PRRC2C: variants seen among roughly 807,000 people sequenced by gnomAD.
The protein encoded by PRRC2C is proline rich coiled-coil 2C.
A neutral mutation model predicts 317.2 loss-of-function variants in PRRC2C; 72 were observed. The ratio of observed to expected loss-of-function variants is 0.23; its 90% confidence interval spans 0.19 to 0.28. The LOEUF (loss-of-function observed/expected upper bound fraction) is 0.28. PRRC2C is among the 10% of genes least tolerant of loss of function. PRRC2C has a pLI of 1.00. For missense variants in PRRC2C, 3,074 were observed against 3,459.7 expected (o/e 0.89, Z 2.80); for synonymous variants, 1,296 against 1,205.9 (o/e 1.07, Z -1.55).
At position 171,523,717 on chromosome 1, in the gene PRRC2C, T is replaced by C. The variant is rs546526850; in HGVS notation, c.1055+195T>C. Among the ~76,000 whole-genome samples the C allele has an allele frequency of 1.2e-4, 19 of 152,266 alleles. 1 individual carries two copies. Among genetic ancestry groups the C allele is most frequent in the African/African-American group, 4.6e-4 (19 of 41,556 alleles). On this transcript the variant is annotated intron_variant, in intron 9 of 34. Coordinates refer to ENST00000647382, the MANE Select transcript of PRRC2C (RefSeq NM_001387844.1). ...TACAGCTAATCAAGGAATTAAAATT[T>C]GATGCGTCTCAAGAAAGTTTATTTA... is the stretch of plus-strand genomic sequence containing the variant.
Position 171,537,336 on chromosome 1 carries a change from G to C in PRRC2C, c.2367G>C (p.Glu789Asp). ...CACCGAACAGTTCTGAGTCATTTGA[G>C]CATATAGCTCGATCTGCAAGAGATC... ...EGSPNSSESF[E>D]HIARSARDHA... The change falls in exon 15 of 35, where the codon GAG (glutamate) becomes GAC (aspartate). Residue 789 changes from glutamate to aspartate, a missense_variant. Physicochemically the swap from Glu to Asp is conservative, Grantham distance 45 (BLOSUM62 2). This residue lies in a region of PRRC2C where 1,320 missense variants were observed against 1,395.7 expected (regional missense o/e 0.95). Transcript: ENST00000647382. 1.3e-6 allele frequency: 2 copies of C among 1,598,354 alleles called. No homozygotes were observed. The highest frequency in any genetic ancestry group is 1.7e-6 in the Non-Finnish European group (2 of 1,171,798).
rs867823094 is a variant in PRRC2C, at chr1:171,573,717, C to T, written c.6754-1210C>T. Among the ~76,000 whole-genome samples, 29 of 111,066 alleles carry T rather than the reference C, an allele frequency of 2.6e-4. No homozygotes were observed. The Middle Eastern group carries it at 0.037, about 140-fold the overall frequency. The allele number at this position is 111,066 out of a possible 152,430, so 72.9% of individuals were successfully genotyped here. On this transcript the variant is annotated intron_variant, in intron 24 of 34. Coordinates refer to ENST00000647382, the MANE Select transcript of PRRC2C (RefSeq NM_001387844.1). The stretch of plus-strand genomic sequence containing the variant: ...TTTTTGAGTTGGAGCCTCGTTCTGT[C>T]GCCCAGGCTGGAGTGCAGTGGCGCT...
At chr1:171,552,830 A>G (rs1442503455) in intron 18 of PRRC2C, among the ~76,000 whole-genome samples, 1 of 152,162 alleles carries the variant, frequency 6.6e-6, no homozygotes, top group Non-Finnish European at 1.5e-5. Context: ...ATCTTGGTGG[A>G]TAAGCTTTCT....
At chr1:171,559,236 A>G (rs1453999897) in intron 19 of PRRC2C, among the ~76,000 whole-genome samples, 1 of 152,220 alleles carries the variant, frequency 6.6e-6, no homozygotes, top group Non-Finnish European at 1.5e-5. Flanking sequence ...TAAATTTTTA[A>G]CGTAGATGAA....
Position 171,540,895 on chromosome 1 carries a change from C to G in PRRC2C, c.3429C>G (p.Val1143=), listed in dbSNP as rs1388380462. 1.2e-6 allele frequency: 2 copies of G among 1,613,690 alleles called. No homozygotes were observed. Among genetic ancestry groups the G allele is most frequent in the Non-Finnish European group, 1.7e-6 (2 of 1,179,798 alleles). The change falls in exon 16 of 35, where the codon GTC becomes GTG. Residue 1143 remains valine (V), a synonymous_variant. Coordinates refer to ENST00000647382, the MANE Select transcript of PRRC2C (RefSeq NM_001387844.1). ...VVKEEKQPEK[V]ISKDLVIERP... is the part of the protein sequence containing the mutation. ...AAGAAGAAAAACAACCTGAGAAAGT[C>G]ATCAGCAAAGACCTTGTTATAGAGA...
At chr1:171,502,299 A>G (rs1311310491) in intron 1 of PRRC2C, among the ~76,000 whole-genome samples, 2 of 152,214 alleles carry the variant, frequency 1.3e-5, no homozygotes, top group African/African-American at 4.8e-5. Context: ...TTTTCAAAAA[A>G]TACTATTGCC....
intron 1 of PRRC2C, among the ~76,000 whole-genome samples, chr1:171,490,490 G>A (rs7555096): frequency 1.3e-5 from 2 of 152,216 alleles, no homozygotes; most frequent in African/African-American, 2.4e-5. Flanking sequence ...ATATGAATTA[G>A]TCTTAACTAC....
intron 26 of PRRC2C, among the ~76,000 whole-genome samples, chr1:171,579,073 T>C (rs1647907609): frequency 6.6e-6 from 1 of 152,146 alleles, no homozygotes; most frequent in Admixed American, 6.5e-5. Context: ...TATGTGAAAT[T>C]TTACCACTGA....
intron 1 of PRRC2C, among the ~76,000 whole-genome samples, chr1:171,500,193 T>G (rs1350460330): frequency 6.6e-6 from 1 of 152,216 alleles, no homozygotes; most frequent in African/African-American, 2.4e-5. Context: ...CAGTTGAATT[T>G]AGCAAATTGC....
At chr1:171,558,541 AAT>A (rs1255905599) in intron 19 of PRRC2C, among the ~76,000 whole-genome samples, 1 of 152,176 alleles carries the variant, frequency 6.6e-6, no homozygotes, top group Non-Finnish European at 1.5e-5. Context: ...TCATTCTTGC[AAT>A]ATGTCAAATT....
At chr1:171,580,178 C>G (rs1648193154) in intron 28 of PRRC2C, among the ~76,000 whole-genome samples, 1 of 152,170 alleles carries the variant, frequency 6.6e-6, no homozygotes, top group African/African-American at 2.4e-5. Flanking sequence ...GTTTCAAACC[C>G]TCTTGAAGTA....
At chr1:171,499,196 A>G (rs76728596) in intron 1 of PRRC2C, among the ~76,000 whole-genome samples, 1 of 152,210 alleles carries the variant, frequency 6.6e-6, no homozygotes, top group East Asian at 1.9e-4. Context: ...CAGCCTCCTC[A>G]AATTTCTAAA....
chr1:171,523,050 A>G (rs1057351397), intron 7 of PRRC2C, among the ~76,000 whole-genome samples, 171 bp from the exon 8 acceptor site: 1 of 152,146 alleles, frequency 6.6e-6, no homozygotes, highest in African/African-American at 2.4e-5. Context: ...GTATTATCCT[A>G]TCATTATGTA....
rs754469881 is a variant in PRRC2C, at chr1:171,540,850, T to C, written c.3384T>C (p.Thr1128=). ...EPAVKTVNQQ[T]MAAPVVKEEK... is the part of the protein sequence containing the mutation. Reference sequence around the variant, plus strand: ...CAGTTAAGACTGTAAACCAACAGACTATGGCAGCACCAGTAGTCAAAGAAG... The same window carrying C: ...CAGTTAAGACTGTAAACCAACAGACCATGGCAGCACCAGTAGTCAAAGAAG... The change falls in exon 16 of 35, where the codon ACT becomes ACC. Residue 1128 remains threonine, a synonymous_variant. Coordinates refer to ENST00000647382, the MANE Select transcript of PRRC2C (RefSeq NM_001387844.1). The C allele has an allele frequency of 3.1e-6, 5 of 1,613,754 alleles. No individual in the cohort carries two copies. In the South Asian group the frequency reaches 5.5e-5, roughly 18 times the overall value.
intron 7 of PRRC2C, 165 bp downstream of exon 7, chr1:171,522,424 A>G (rs961498502): frequency 7.5e-6 from 3 of 397,936 alleles, no homozygotes; most frequent in Non-Finnish European, 1.4e-5. Context: ...AAGACAGAAC[A>G]GAAATAATTC....
chr1:171,570,924 C>T (rs1055600592), intron 23 of PRRC2C, among the ~76,000 whole-genome samples: 1 of 152,208 alleles, frequency 6.6e-6, no homozygotes, highest in African/African-American at 2.4e-5. Flanking sequence ...CCATCAGCAT[C>T]ACCTGGCAAC....
intron 9 of PRRC2C, among the ~76,000 whole-genome samples, chr1:171,524,453 GTTTGA>G (rs1311084087): frequency 1.1e-4 from 16 of 152,138 alleles, no homozygotes; most frequent in Non-Finnish European, 2.4e-4. Context: ...AAATACTGTA[GTTTGA>G]TTTATCTTTT....
At chr1:171,558,753 G>A (rs140371269) in intron 19 of PRRC2C, among the ~76,000 whole-genome samples, 34 of 152,246 alleles carry the variant, frequency 2.2e-4, no homozygotes, top group African/African-American at 7.0e-4. Flanking sequence ...GTTGAAATTA[G>A]GCCGATTAAT....
chr1:171,552,286 T>C (rs1434589710), intron 18 of PRRC2C, among the ~76,000 whole-genome samples: 1 of 152,224 alleles, frequency 6.6e-6, no homozygotes, highest in Non-Finnish European at 1.5e-5. Flanking sequence ...TGTATAGGAA[T>C]ACTTGTGATT....
Sources: gnomAD v4.1 joint callset for allele counts (sites outside exome capture counted in the v4.1 genomes callset) on GRCh38, gnomAD v4.1.1 for gene constraint, gnomAD v4.1.1 regional missense constraint, MANE v1.5 for transcripts, NCBI Gene and HGNC (gene_info 2026-07-23, HGNC 2026-07-21) for gene names.